UBR4: variants seen among roughly 807,000 people sequenced by gnomAD.
UBR4 encodes the protein ubiquitin protein ligase E3 component n-recognin 4.
In UBR4, 124 loss-of-function variants were observed where a neutral mutation model predicts 575.6. The ratio of observed to expected loss-of-function variants is 0.22; its 90% confidence interval spans 0.19 to 0.25. The LOEUF is 0.25. Ranked by LOEUF, UBR4 falls within the 10% of genes least tolerant of loss-of-function variation. The pLI is 1.00. For synonymous variants in UBR4, 2,455 were observed against 2,473.7 expected (o/e 0.99, Z 0.22); for missense variants, 4,818 against 6,478.8 (o/e 0.74, Z 8.80).
chr1:19,100,274 G>GC lies in UBR4; in HGVS notation c.13221+101dup. 1 of 1,326,786 alleles carries GC rather than the reference G, an allele frequency of 7.5e-7. No homozygotes were observed. The highest frequency in any genetic ancestry group is 1.3e-5 in the South Asian group (1 of 78,104). The allele number at this position is 1,326,786 out of a possible 1,614,324, so 82.2% of individuals were successfully genotyped here. A position where few individuals can be genotyped will look rare whatever the true frequency, so the allele number is the denominator to read the frequency against. On this transcript the variant is annotated intron_variant, in intron 89 of 105. Transcript: ENST00000375254. This position sits in a 1 kb window ranked among gnomAD's most constrained non-coding sequence, Gnocchi z 4.2. ...AGAGTGGAGAAACTGAAGGCCACCT[G>GC]CCCCAAGTTAATCAGCTACTAGGAA...
intron 64 of UBR4, 54 bp from the exon 65 acceptor site, chr1:19,124,744 C>A (rs188265848): frequency 3.2e-6 from 5 of 1,584,860 alleles, no homozygotes; most frequent in African/African-American, 2.7e-5. Flanking sequence ...TCCATGACCA[C>A]AATTAGGAAA....
At position 19,151,775 on chromosome 1, in the gene UBR4, T is replaced by C; in HGVS notation, c.7081A>G (p.Ile2361Val). The C allele has an allele frequency of 6.2e-7, 1 of 1,614,220 alleles. No individual in the cohort carries two copies. Among genetic ancestry groups the C allele is most frequent in the Non-Finnish European group, 8.5e-7 (1 of 1,180,030 alleles). Residue 2361 changes from isoleucine to valine, a missense_variant, in exon 48 of 106, where the codon ATA becomes GTA. Ile to Val is a conservative substitution (Grantham distance 29). Coordinates refer to ENST00000375254, the MANE Select transcript of UBR4 (RefSeq NM_020765.3). ...GMRIQIGTQA[I>V]ERAPSYIEIF... ...TCGATATATGACGGGGCCCGTTCTA[T>C]TGCTTGAGTCCCAATCTGGATCCGC...
Position 19,157,104 on chromosome 1 carries a change from A to C in UBR4, c.5761-179T>G, listed in dbSNP as rs1404760205. ...TATTACTCCTGGCTAAAAGCTATGG[A>C]ATGTATTTCCATGGAGGACAGAACA... On this transcript the variant is annotated intron_variant, in intron 40 of 105. Coordinates refer to ENST00000375254, the MANE Select transcript of UBR4 (RefSeq NM_020765.3). The surrounding 1 kb of genome is among the most constrained non-coding windows in gnomAD (Gnocchi z 4.4). Among the ~76,000 whole-genome samples the C allele has an allele frequency of 6.6e-6, 1 of 152,226 alleles. No homozygotes were observed. The highest frequency in any genetic ancestry group is 1.5e-5 in the Non-Finnish European group (1 of 68,026).
chr1:19,148,661 C>T (rs958081519), intron 49 of UBR4, 35 bp from the exon 50 acceptor site: 1 of 1,612,194 alleles, frequency 6.2e-7, no homozygotes, highest in South Asian at 1.1e-5. Context: ...GAGTACAACA[C>T]CGTTCTCTCC....
rs34710232 is a variant in UBR4, at chr1:19,121,388, G to A, written c.9942C>T (p.Gly3314=). Reference sequence around the variant, plus strand: ...GCAGTTGCAGCAGCACTGGGGACACGCCCTCATCCACAAGGAAACTGACTT... The same window carrying A: ...GCAGTTGCAGCAGCACTGGGGACACACCCTCATCCACAAGGAAACTGACTT... ...LLQVSFLVDE[G]VSPVLLQLLS... The change falls in exon 68 of 106, where the codon GGC becomes GGT. Residue 3314 remains glycine, a synonymous_variant. Transcript: ENST00000375254. 5.4e-3 allele frequency: 8,773 copies of A among 1,614,080 alleles called. 35 individuals are homozygous for A. Among genetic ancestry groups the A allele is most frequent in the Middle Eastern group, 0.013 (76 of 6,058 alleles).
chr1:19,104,106 C>T lies in UBR4; in HGVS notation c.12879G>A (p.Glu4293=). ...TACCTGTGGTCATGTCCTCCAGCAT[C>T]TCCAGCAGCATGTCCTGCGTCTCAT... ...LIDETQDMLL[E]MLEDMTTGTE... is the part of the protein sequence containing the mutation. The change falls in exon 87 of 106, where the codon GAG becomes GAA. Residue 4293 remains glutamate, a synonymous_variant. Transcript: ENST00000375254. The T allele has an allele frequency of 6.2e-7, 1 of 1,614,248 alleles. No individual in the cohort carries two copies. The highest frequency in any genetic ancestry group is 1.1e-5 in the South Asian group (1 of 91,090).
chr1:19,166,892 T>A, intron 29 of UBR4, 130 bp downstream of exon 29: 2 of 1,033,632 alleles, frequency 1.9e-6, no homozygotes, highest in African/African-American at 1.7e-5. Flanking sequence ...CGAGACCATG[T>A]CTCAGAATAA....
intron 104 of UBR4, among the ~76,000 whole-genome samples, chr1:19,077,110 C>T (rs1487714996): frequency 6.6e-6 from 1 of 152,214 alleles, no homozygotes; most frequent in Non-Finnish European, 1.5e-5. Flanking sequence ...TTATTAGGCA[C>T]TGTGTCACCT....
At position 19,148,109 on chromosome 1, in the gene UBR4, C is replaced by A. The variant is rs1408524498; in HGVS notation, c.7513G>T (p.Ala2505Ser). The change falls in exon 51 of 106, where the codon GCT (alanine) becomes TCT (serine). Residue 2505 changes from alanine to serine, a missense_variant. Physicochemically the swap from Ala to Ser is moderately conservative, Grantham distance 99 (BLOSUM62 1). Transcript: ENST00000375254. Reference sequence around the variant, plus strand: ...AACAGCAAAGTGGCCAGCTCCTGAGCAGCATTCTTGTTTCTCTCCTAAGGC... The same window carrying A: ...AACAGCAAAGTGGCCAGCTCCTGAGAAGCATTCTTGTTTCTCTCCTAAGGC... ...IIEKERNKNA[A>S]QELATLLLSL... 1 of 1,608,300 alleles carries A rather than the reference C, an allele frequency of 6.2e-7. No homozygotes were observed. Among genetic ancestry groups the A allele is most frequent in the Non-Finnish European group, 8.5e-7 (1 of 1,179,364 alleles).
At chr1:19,122,145 C>A in intron 66 of UBR4, 133 bp from the exon 67 acceptor site, 1 of 861,120 alleles carries the variant, frequency 1.2e-6, no homozygotes, top group South Asian at 1.5e-5. Context: ...AAGGCAGATG[C>A]TTGCTGAGAT....
At chr1:19,102,841 T>C (rs2078780408) in intron 87 of UBR4, among the ~76,000 whole-genome samples, 1 of 152,174 alleles carries the variant, frequency 6.6e-6, no homozygotes, top group South Asian at 2.1e-4. Flanking sequence ...CAGCTATCCC[T>C]TTCCCCCAAC....
intron 63 of UBR4, 72 bp from the exon 64 acceptor site, chr1:19,126,727 G>T (rs564108751): frequency 6.6e-7 from 1 of 1,516,096 alleles, no homozygotes; most frequent in African/African-American, 1.4e-5. Flanking sequence ...GGTGGGTGTT[G>T]GGGATGGGAA....
chr1:19,186,792 C>G, intron 13 of UBR4, 135 bp from the exon 14 acceptor site: 1 of 725,412 alleles, frequency 1.4e-6, no homozygotes, highest in Admixed American at 2.9e-5. Context: ...TAATTAAGGA[C>G]TTTCATCACT....
Position 19,121,218 on chromosome 1 carries a change from T to C in UBR4, c.10112A>G (p.Lys3371Arg), listed in dbSNP as rs1295968255. 6.2e-7 allele frequency: 1 copy of C among 1,614,074 alleles called. No individual in the cohort carries two copies. The highest frequency in any genetic ancestry group is 1.3e-5 in the African/African-American group (1 of 74,940). The change falls in exon 68 of 106, where the codon AAG becomes AGG. Residue 3371 changes from lysine to arginine, a missense_variant. Transcript: ENST00000375254. ...TQSKSSTKKS[K>R]KEEKEKEKDG... ...TTTCTCCTTTTCTTTTTCTTCTTTC[T>C]TGCTCTTTTTAGTGGAAGACTTGGA...
rs1422696501 is a variant in UBR4, at chr1:19,104,610, C to T, written c.12702G>A (p.Gln4234=). 1.2e-6 allele frequency: 2 copies of T among 1,614,004 alleles called. No individual in the cohort carries two copies. The highest frequency in any genetic ancestry group is 1.3e-5 in the African/African-American group (1 of 74,904). The change falls in exon 86 of 106, where the codon CAG becomes CAA. Residue 4234 remains glutamine, a synonymous_variant. Coordinates refer to ENST00000375254, the MANE Select transcript of UBR4 (RefSeq NM_020765.3). ...CTGTGAGACTTTTAAGGGCATAACC[C>T]TGCTGCAGATCGGTACTCAGGGTAG... ...EEATLSTDLQ[Q]GYALKSLTGL...
chr1:19,082,769 T>G (rs905178704), intron 102 of UBR4, among the ~76,000 whole-genome samples: 1 of 152,188 alleles, frequency 6.6e-6, no homozygotes, highest in Admixed American at 6.5e-5. Context: ...ATGGATACAT[T>G]CAACTTGATC....
intron 96 of UBR4, 29 bp from the exon 97 acceptor site, chr1:19,092,947 G>A (rs1320887447): frequency 6.3e-7 from 1 of 1,599,370 alleles, no homozygotes; most frequent in African/African-American, 1.3e-5. Context: ...CTTATTAGCA[G>A]GCCAGGGAAG....
At chr1:19,086,059 T>C in intron 101 of UBR4, 86 bp downstream of exon 101, 5 of 1,517,624 alleles carry the variant, frequency 3.3e-6, no homozygotes, top group South Asian at 1.3e-5. Flanking sequence ...GGAAATGGTG[T>C]CACCAGGGGA....
At chr1:19,074,937 T>A in intron 105 of UBR4, 41 bp from the exon 106 acceptor site, 1 of 1,606,374 alleles carries the variant, frequency 6.2e-7, no homozygotes, top group African/African-American at 1.3e-5. Flanking sequence ...GGAGCAGGCA[T>A]ACAGCCCCCA....
Sources: gnomAD v4.1 joint callset for allele counts (sites outside exome capture counted in the v4.1 genomes callset) on GRCh38, gnomAD v4.1.1 for gene constraint, Gnocchi (gnomAD v3.1) non-coding constraint, MANE v1.5 for transcripts, NCBI Gene and HGNC (gene_info 2026-07-23, HGNC 2026-07-21) for gene names.